The following THADA variants were observed in gnomAD, a reference collection of about 807,000 sequenced individuals.
THADA encodes the protein THADA armadillo repeat containing.
THADA carries 213 observed loss-of-function variants against 219.8 expected under a neutral mutation model. That is an observed-to-expected ratio of 0.97 (90% CI 0.87 to 1.09). The LOEUF (loss-of-function observed/expected upper bound fraction) is 1.09, where lower values mean the gene tolerates loss of function less well. Among genes scored for constraint, THADA ranks in the 50% least tolerant of loss-of-function variants. THADA has a pLI of 0.00. For missense variants in THADA, 2,956 were observed against 2,311.3 expected (o/e 1.28, Z -5.72); for synonymous variants, 1,018 against 828.9 (o/e 1.23, Z -3.92).
rs1305324494 is a variant in THADA at position 43,552,356 on chromosome 2, G to GA, written c.2675-18dup. Reference sequence around the variant, plus strand: ...ATTTGATAACTAGAAAAAGCAAACAGAAAATCAAAGTAATGTCAATCTTAA... The same window carrying GA: ...ATTTGATAACTAGAAAAAGCAAACAGAAAAATCAAAGTAATGTCAATCTTAA... On this transcript the variant is annotated splice_polypyrimidine_tract_variant and intron_variant, in intron 17 of 37. Coordinates refer to ENST00000405975, the MANE Select transcript of THADA (RefSeq NM_022065.5). 2.5e-6 allele frequency: 4 copies of GA among 1,579,276 alleles called. No homozygotes were observed. The highest frequency in any genetic ancestry group is 3.4e-6 in the Non-Finnish European group (4 of 1,166,364).
intron 21 of THADA, among the ~76,000 whole-genome samples, chr2:43,530,713 C>A (rs1314251072): frequency 6.6e-6 from 1 of 152,198 alleles, no homozygotes; most frequent in East Asian, 1.9e-4. Flanking sequence ...TCATAATTTA[C>A]TCCTTAGGCA....
intron 15 of THADA, chr2:43,565,086 G>A (rs1034320549): frequency 1.3e-5 from 2 of 152,158 alleles, no homozygotes; most frequent in African/African-American, 4.8e-5. Flanking sequence ...TGATCATTGT[G>A]TTATGGTTAT....
At chr2:43,423,422 ACTTT>A (rs781150705) in intron 28 of THADA, among the ~76,000 whole-genome samples, 74 of 149,012 alleles carry the variant, frequency 5.0e-4, no homozygotes, top group Non-Finnish European at 7.9e-4. Context: ...AAGTAGCTTT[ACTTT>A]CTTTCTTTCT....
chr2:43,326,095 G>A (rs1176797751), intron 30 of THADA, among the ~76,000 whole-genome samples: 1 of 150,224 alleles, frequency 6.7e-6, no homozygotes, highest in Non-Finnish European at 1.5e-5. Context: ...ATGTGTGTGT[G>A]CACAGTATAT....
chr2:43,319,205 G>C (rs1042114236), intron 31 of THADA, among the ~76,000 whole-genome samples: 1 of 152,186 alleles, frequency 6.6e-6, no homozygotes, highest in Non-Finnish European at 1.5e-5. Context: ...GGGTAAGCTG[G>C]AGTAGATGCA....
intron 21 of THADA, among the ~76,000 whole-genome samples, chr2:43,529,313 T>C (rs1053167173): frequency 2.0e-5 from 3 of 152,232 alleles, no homozygotes; most frequent in East Asian, 3.9e-4. Context: ...GGACTGTAAG[T>C]GTATGTCACC....
chr2:43,345,959 C>G (rs554588757), intron 29 of THADA, among the ~76,000 whole-genome samples: 2 of 152,286 alleles, frequency 1.3e-5, no homozygotes, highest in South Asian at 4.1e-4. Flanking sequence ...CTTGGTAGCT[C>G]TGGTTTATGA....
intron 31 of THADA, among the ~76,000 whole-genome samples, chr2:43,310,897 C>T (rs1383155859): frequency 6.6e-6 from 1 of 152,154 alleles, no homozygotes; most frequent in East Asian, 1.9e-4. Context: ...AATAACTCGG[C>T]TGGGCGCGGT....
intron 30 of THADA, among the ~76,000 whole-genome samples, chr2:43,323,643 G>A (rs1279704135): frequency 6.6e-6 from 1 of 152,164 alleles, no homozygotes. Context: ...CACAGGAGAC[G>A]GCTACTGACC....
rs73923593 is a variant in THADA, at chr2:43,395,107, G to A, written c.4227+2864C>T. On this transcript the variant is annotated intron_variant, in intron 29 of 37. Coordinates refer to ENST00000405975, the MANE Select transcript of THADA (RefSeq NM_022065.5). ...GCACGTGTGGGAAACAAGGCTGGGA[G>A]GCTCATTTGCACAACTGGTGAGAGA... Among the ~76,000 whole-genome samples the A allele has an allele frequency of 5.6e-3, 860 of 152,322 alleles. 10 individuals carry two copies. Among genetic ancestry groups the A allele is most frequent in the African/African-American group, 0.02 (835 of 41,568 alleles).
chr2:43,232,275 T>C (rs916943267), intron 37 of THADA, among the ~76,000 whole-genome samples: 1 of 152,002 alleles, frequency 6.6e-6, no homozygotes, highest in African/African-American at 2.4e-5. Flanking sequence ...GCCTCCCAGG[T>C]TCACGCCATT....
intron 31 of THADA, among the ~76,000 whole-genome samples, chr2:43,307,275 C>A (rs13390381): frequency 0.24 from 37,245 of 152,096 alleles, 5,426 homozygotes; most frequent in African/African-American, 0.4. Context: ...TCAGTTGAAA[C>A]GATGAGATAT....
In THADA at chr2:43,552,246, C is replaced by T. The variant is rs372826539; in HGVS notation, c.2768G>A (p.Arg923Gln). The T allele has an allele frequency of 5.0e-5, 80 of 1,611,522 alleles. No individual in the cohort carries two copies. The highest frequency in any genetic ancestry group is 1.3e-4 in the Admixed American group (8 of 59,280). The change falls in exon 18 of 38, where the codon CGA (arginine) becomes CAA (glutamine). Residue 923 changes from arginine to glutamine, a missense_variant. By Grantham distance (43) the Arg-to-Gln change is conservative. Coordinates refer to ENST00000405975, the MANE Select transcript of THADA (RefSeq NM_022065.5). ...CAAAGCTCCTGTTATACAGTGGACTCGCCCATACATTGGAAATGCTGCTGC... is the reference window on the plus strand; with the variant it reads ...CAAAGCTCCTGTTATACAGTGGACTTGCCCATACATTGGAAATGCTGCTGC... The part of the protein sequence containing the change: ...QAAAAFPMYG[R>Q]VHCITGALQK...
At chr2:43,527,186 T>C (rs555653204) in intron 22 of THADA, among the ~76,000 whole-genome samples, 11 of 152,332 alleles carry the variant, frequency 7.2e-5, no homozygotes, top group African/African-American at 1.4e-4. Flanking sequence ...CTCTGCTTCA[T>C]TTCAAAAAGT....
At position 43,552,349 on chromosome 2, in the gene THADA, G is replaced by C. The variant is rs1456756517; in HGVS notation, c.2675-10C>G. The C allele has an allele frequency of 6.3e-7, 1 of 1,580,798 alleles. No homozygotes were observed. The highest frequency in any genetic ancestry group is 2.3e-5 in the East Asian group (1 of 44,416). On this transcript the variant is annotated splice_polypyrimidine_tract_variant and intron_variant, in intron 17 of 37. Transcript: ENST00000405975. ...ATCAAGCATTTGATAACTAGAAAAA[G>C]CAAACAGAAAATCAAAGTAATGTCA... is the stretch of plus-strand genomic sequence containing the variant.
At chr2:43,569,358 A>G (rs1699041753) in intron 14 of THADA, among the ~76,000 whole-genome samples, 1 of 152,164 alleles carries the variant, frequency 6.6e-6, no homozygotes, top group Non-Finnish European at 1.5e-5. Flanking sequence ...TCAAGTGGAG[A>G]GATATATAGT....
At chr2:43,579,203 A>G (rs891211537) in intron 8 of THADA, among the ~76,000 whole-genome samples, 3 of 152,132 alleles carry the variant, frequency 2.0e-5, no homozygotes, top group African/African-American at 4.8e-5. Context: ...TCTAACATAC[A>G]CTTTCTTCCT....
At chr2:43,330,946 G>C (rs2104496478) in intron 30 of THADA, among the ~76,000 whole-genome samples, 1 of 152,278 alleles carries the variant, frequency 6.6e-6, no homozygotes, top group South Asian at 2.1e-4. Flanking sequence ...GAAGTCGCCT[G>C]CCCCCGTGTC....
chr2:43,466,920 C>T (rs985322422), intron 26 of THADA, among the ~76,000 whole-genome samples: 2 of 150,314 alleles, frequency 1.3e-5, no homozygotes, highest in African/African-American at 2.5e-5. Flanking sequence ...CGGTGGCTCA[C>T]GCCTGTAATC....
Sources: gnomAD v4.1 joint callset for allele counts (sites outside exome capture counted in the v4.1 genomes callset) on GRCh38, gnomAD v4.1.1 for gene constraint, MANE v1.5 for transcripts, NCBI Gene and HGNC (gene_info 2026-07-23, HGNC 2026-07-21) for gene names.